NWD2: variants seen among roughly 807,000 people sequenced by gnomAD.
NWD2 encodes NACHT and WD repeat domain-containing protein 2.
Under a neutral mutation model 132.7 loss-of-function variants are expected in NWD2, and 37 were observed. The ratio of observed to expected loss-of-function variants is 0.28; its 90% CI spans 0.21 to 0.37. The LOEUF (loss-of-function observed/expected upper bound fraction) is 0.37. Ranked by LOEUF, NWD2 falls within the 10% of genes least tolerant of loss-of-function variation. The pLI, the probability that NWD2 is intolerant of heterozygous loss-of-function variation, is 1.00. For synonymous variants in NWD2, 705 were observed against 803.0 expected, an observed-to-expected ratio of 0.88 and a Z score of 2.06; for missense variants, 1,592 against 2,122.4, an observed-to-expected ratio of 0.75 and a Z score of 4.91.
intron 2 of NWD2, among the ~76,000 whole-genome samples, chr4:37,341,687 A>G (rs1327539288): frequency 6.6e-6 from 1 of 152,118 alleles, no homozygotes; most frequent in Non-Finnish European, 1.5e-5. Context: ...CACCTCTACT[A>G]CTTGTTTCCT....
intron 1 of NWD2, among the ~76,000 whole-genome samples, chr4:37,268,119 A>G (rs1305776858): frequency 2.0e-5 from 3 of 151,926 alleles, no homozygotes; most frequent in African/African-American, 7.2e-5. Flanking sequence ...CCTGTGGGAT[A>G]AAGTCTGAAC....
chr4:37,275,949 CAAGATG>C lies in NWD2; in HGVS notation c.151+30734_151+30739del, dbSNP rs1718002666. 2.0e-5 allele frequency among the ~76,000 whole-genome samples: 3 copies of C among 152,206 alleles called. 1 individual carries two copies. The highest frequency in any genetic ancestry group is 4.4e-5 in the Non-Finnish European group (3 of 67,998). Reference sequence around the variant, plus strand: ...GTTACACCTTATACAAAAATTAATTCAAGATGAATTAAAGACTTAAATGTTAGACCT... The same window carrying C: ...GTTACACCTTATACAAAAATTAATTCAATTAAAGACTTAAATGTTAGACCT... On this transcript the variant is annotated intron_variant, in intron 1 of 6. Coordinates refer to ENST00000309447, the MANE Select transcript of NWD2 (RefSeq NM_001144990.2).
intron 1 of NWD2, among the ~76,000 whole-genome samples, chr4:37,308,070 A>G (rs1577662747): frequency 6.6e-6 from 1 of 152,260 alleles, no homozygotes; most frequent in East Asian, 1.9e-4. Context: ...TAAGGTCATT[A>G]TTTTAAATTC....
chr4:37,375,960 G>A (rs1265525611), intron 3 of NWD2, among the ~76,000 whole-genome samples: 1 of 152,116 alleles, frequency 6.6e-6, no homozygotes, highest in East Asian at 1.9e-4. Flanking sequence ...ATGATAATAT[G>A]CTTTGAAATC....
chr4:37,431,105 G>C (rs1441665985), intron 4 of NWD2, among the ~76,000 whole-genome samples: 1 of 152,142 alleles, frequency 6.6e-6, no homozygotes, highest in Non-Finnish European at 1.5e-5. Flanking sequence ...AAACAGTATA[G>C]CAGTTCCTCA....
At chr4:37,314,542 T>C (rs1301074827) in intron 1 of NWD2, among the ~76,000 whole-genome samples, 1 of 152,200 alleles carries the variant, frequency 6.6e-6, no homozygotes, top group Non-Finnish European at 1.5e-5. Context: ...TTTAATGTAT[T>C]AGAAATAAAG....
intron 1 of NWD2, among the ~76,000 whole-genome samples, chr4:37,260,683 T>G (rs1717611653): frequency 6.6e-6 from 1 of 152,226 alleles, no homozygotes; most frequent in Middle Eastern, 3.2e-3. Flanking sequence ...CCACTGTTCC[T>G]TATTCAAACT....
intron 3 of NWD2, among the ~76,000 whole-genome samples, chr4:37,382,122 A>T (rs965700488): frequency 6.6e-6 from 1 of 152,214 alleles, no homozygotes; most frequent in African/African-American, 2.4e-5. Context: ...TGTAGAAAAC[A>T]AGTTAGCCCA....
chr4:37,260,400 A>T (rs1214950751), intron 1 of NWD2, among the ~76,000 whole-genome samples: 3 of 152,134 alleles, frequency 2.0e-5, no homozygotes, highest in African/African-American at 7.2e-5. Context: ...GAAACTCCCC[A>T]ACAGTGTTAT....
At chr4:37,259,151 G>A (rs968020856) in intron 1 of NWD2, among the ~76,000 whole-genome samples, 1 of 152,212 alleles carries the variant, frequency 6.6e-6, no homozygotes, top group Non-Finnish European at 1.5e-5. Flanking sequence ...ACTGCCCAGT[G>A]TTTATGAGCT....
At chr4:37,281,304 A>G (rs962186967) in intron 1 of NWD2, among the ~76,000 whole-genome samples, 1 of 152,156 alleles carries the variant, frequency 6.6e-6, no homozygotes, top group Non-Finnish European at 1.5e-5. Context: ...TGAACCACGC[A>G]AAGTGTTCCT....
Position 37,443,527 on chromosome 4 carries a change from C to T in NWD2, c.1539C>T (p.Phe513=), listed in dbSNP as rs751103000. 17 of 1,551,724 alleles carry T rather than the reference C, an allele frequency of 1.1e-5. No homozygotes were observed. Among genetic ancestry groups the T allele is most frequent in the South Asian group, 2.4e-5 (2 of 84,032 alleles). Residue 513 remains phenylalanine (F), a synonymous_variant, in exon 7 of 7, where the codon TTC becomes TTT. Transcript: ENST00000309447. This position sits in a 1 kb window ranked among gnomAD's most constrained non-coding sequence, Gnocchi z 4.1. ...SSLQRPLVII[F]DALEQLSEND... ...TGCAGAGACCTCTAGTCATAATATT[C>T]GATGCACTAGAGCAGCTCTCAGAGA... is the stretch of plus-strand genomic sequence containing the variant.
At chr4:37,310,637 T>A (rs1450911884) in intron 1 of NWD2, among the ~76,000 whole-genome samples, 7 of 152,224 alleles carry the variant, frequency 4.6e-5, no homozygotes, top group South Asian at 2.1e-4. Context: ...GATTTTTTTT[T>A]TAATTATTAT....
rs1045063268 is a variant in NWD2 at position 37,401,532 on chromosome 4, G to C, written c.358-29040G>C. 5.3e-5 allele frequency among the ~76,000 whole-genome samples: 8 copies of C among 152,072 alleles called. No individual in the cohort carries two copies. In the East Asian group the frequency reaches 1.5e-3, roughly 29 times the overall value. ...CAGAACCTCATCTTCTCTCACCTGG[G>C]CTCCTCATTGATCCCTCCAGCTGCA... is the stretch of plus-strand genomic sequence containing the variant. On this transcript the variant is annotated intron_variant, in intron 3 of 6. Coordinates refer to ENST00000309447, the MANE Select transcript of NWD2 (RefSeq NM_001144990.2).
chr4:37,312,976 G>C (rs1718880739), intron 1 of NWD2, among the ~76,000 whole-genome samples: 1 of 151,176 alleles, frequency 6.6e-6, no homozygotes, highest in Middle Eastern at 3.4e-3. Context: ...CAGGGATGAA[G>C]CCCACTTGAT....
intron 3 of NWD2, among the ~76,000 whole-genome samples, chr4:37,419,034 A>T (rs1363120356): frequency 2.0e-5 from 3 of 152,172 alleles, no homozygotes; most frequent in Admixed American, 6.5e-5. Flanking sequence ...ACAGCATGGT[A>T]CTTGTACCAA....
intron 6 of NWD2, among the ~76,000 whole-genome samples, chr4:37,440,018 A>G (rs181247928): frequency 6.6e-6 from 1 of 151,988 alleles, no homozygotes; most frequent in Admixed American, 6.6e-5. Flanking sequence ...TGGACTGTGA[A>G]CTCTCTGTTC....
At chr4:37,332,367 G>A (rs1663551322) in intron 2 of NWD2, among the ~76,000 whole-genome samples, 1 of 151,808 alleles carries the variant, frequency 6.6e-6, no homozygotes, top group Admixed American at 6.6e-5. Context: ...ATAATGCACT[G>A]GGCAGAGTCC....
intron 1 of NWD2, among the ~76,000 whole-genome samples, chr4:37,253,053 G>T (rs1466112775): frequency 1.3e-5 from 2 of 149,356 alleles, no homozygotes; most frequent in Admixed American, 6.8e-5. Flanking sequence ...GTTATAATTA[G>T]ATTATGTGAG....
Sources: allele counts gnomAD v4.1 joint callset (sites outside exome capture counted in the v4.1 genomes callset), GRCh38; gene constraint gnomAD v4.1.1; non-coding constraint Gnocchi (gnomAD v3.1); transcripts MANE v1.5; gene names NCBI Gene and HGNC (gene_info 2026-07-23, HGNC 2026-07-21).